The following DISP3 variants were observed in gnomAD, a reference collection of about 807,000 sequenced individuals.
DISP3 encodes the protein protein dispatched homolog 3.
In DISP3, 101 loss-of-function variants were observed where a neutral mutation model predicts 135.3. That is an observed-to-expected ratio of 0.75 (90% CI 0.64 to 0.88). The LOEUF (loss-of-function observed/expected upper bound fraction) is 0.88. Among genes scored for constraint, DISP3 ranks in the 40% least tolerant of loss-of-function variants. The pLI is 0.00. For missense variants in DISP3, 1,713 were observed against 1,878.6 expected (o/e 0.91, Z 1.63); for synonymous variants, 856 against 817.0 (o/e 1.05, Z -0.81).
intron 17 of DISP3, among the ~76,000 whole-genome samples, chr1:11,532,230 A>G (rs1642593555): frequency 6.6e-6 from 1 of 152,184 alleles, no homozygotes; most frequent in Non-Finnish European, 1.5e-5. Context: ...TGACCTGGGC[A>G]CTGTGGGGAC....
chr1:11,498,283 A>T (rs1056930114), intron 1 of DISP3, among the ~76,000 whole-genome samples: 4 of 152,188 alleles, frequency 2.6e-5, no homozygotes, highest in African/African-American at 9.7e-5. Context: ...GGCTGGAAAG[A>T]CTTCAAGGCT....
chr1:11,488,637 C>CTGTGTGTG lies in DISP3; in HGVS notation c.-4+9289_-4+9296dup, dbSNP rs5772457. Among the ~76,000 whole-genome samples the CTGTGTGTG allele has an allele frequency of 9.2e-3, 1,346 of 146,406 alleles. 43 individuals are homozygous for CTGTGTGTG. In the East Asian group the frequency reaches 0.12, roughly 13 times the overall value. On this transcript the variant is annotated intron_variant, in intron 1 of 20. Coordinates refer to ENST00000294484, the MANE Select transcript of DISP3 (RefSeq NM_020780.2). ...ACCAGAACGGCTGAGGGCAGATGCT[C>CTGTGTGTG]TGTGTGTGTGTGTGTGTGTGTGTGT...
chr1:11,501,389 T>C lies in DISP3; in HGVS notation c.397T>C (p.Trp133Arg). ...TLALKSQFGS[W>R]GRNRRDLADF... ...GGCGCTTAAGTCCCAGTTTGGATCC[T>C]GGGGGCGGAACCGGCGCGATTTGGC... The change falls in exon 2 of 21, where the codon TGG becomes CGG. Residue 133 changes from tryptophan to arginine, a missense_variant. Trp to Arg is a moderately radical substitution (Grantham distance 101). This residue lies in a region of DISP3 where 571 missense variants were observed against 494.1 expected (regional missense o/e 1.16). Coordinates refer to ENST00000294484, the MANE Select transcript of DISP3 (RefSeq NM_020780.2). The surrounding 1 kb of genome is among the most constrained non-coding windows in gnomAD (Gnocchi z 4.9). The C allele has an allele frequency of 1.2e-6, 2 of 1,606,300 alleles. No individual in the cohort carries two copies. Among genetic ancestry groups the C allele is most frequent in the Non-Finnish European group, 1.7e-6 (2 of 1,176,234 alleles).
chr1:11,535,977 G>A (rs1642697568), intron 20 of DISP3, among the ~76,000 whole-genome samples: 2 of 152,176 alleles, frequency 1.3e-5, no homozygotes, highest in African/African-American at 4.8e-5. Context: ...GTCTGCTCCA[G>A]CCCCTGGTGG....
Position 11,525,226 on chromosome 1 carries a change from G to T in DISP3, c.2527G>T (p.Ala843Ser). ...ISKVKSQGHP[A>S]VYRLSLNASL... ...TAAAGTGAAGAGTCAAGGCCACCCC[G>T]CTGTCTACAGGCTCTCCCTCAATGC... The change falls in exon 12 of 21, where the codon GCT becomes TCT. Residue 843 changes from alanine (A) to serine (S), a missense_variant. Ala to Ser is a moderately conservative substitution (Grantham distance 99). Transcript: ENST00000294484. 3 of 1,614,060 alleles carry T rather than the reference G, an allele frequency of 1.9e-6. No individual in the cohort carries two copies. Among genetic ancestry groups the T allele is most frequent in the South Asian group, 2.2e-5 (2 of 91,082 alleles).
rs1642517250 is a variant in DISP3 at position 11,529,530 on chromosome 1, C to T, written c.2799-26C>T. On this transcript the variant is annotated intron_variant, in intron 13 of 20. Transcript: ENST00000294484. This position sits in a 1 kb window ranked among gnomAD's most constrained non-coding sequence, Gnocchi z 4.7. Reference sequence around the variant, plus strand: ...TGACTCCTCCTAGCCTTTCCGGCCTCAGCCCAGCCTCCATTCCCTCCACAG... The same window carrying T: ...TGACTCCTCCTAGCCTTTCCGGCCTTAGCCCAGCCTCCATTCCCTCCACAG... The T allele has an allele frequency of 6.5e-7, 1 of 1,535,854 alleles. No homozygotes were observed. The highest frequency in any genetic ancestry group is 2.1e-5 in the Admixed American group (1 of 48,716).
rs1476990720 is a variant in DISP3, at chr1:11,530,936, C to T, written c.3132C>T (p.Asp1044=). Residue 1044 remains aspartate (D), a synonymous_variant, in exon 16 of 21, where the codon GAC becomes GAT. Coordinates refer to ENST00000294484, the MANE Select transcript of DISP3 (RefSeq NM_020780.2). ...PGSVVYDSSF[D]LFKEIGHLCH... is the part of the protein sequence containing the mutation. ...GTGTTGTCTACGACAGCAGCTTTGA[C>T]CTCTTCAAGGAAATTGGGCACCTGT... The T allele has an allele frequency of 6.8e-6, 11 of 1,613,900 alleles. No individual in the cohort carries two copies. The highest frequency in any genetic ancestry group is 9.3e-6 in the Non-Finnish European group (11 of 1,179,986).
intron 1 of DISP3, among the ~76,000 whole-genome samples, chr1:11,495,477 TTCCTGGGGC>T (rs1641307242): frequency 6.6e-6 from 1 of 152,182 alleles, no homozygotes; most frequent in African/African-American, 2.4e-5. Flanking sequence ...GTCTGGTTGT[TTCCTGGGGC>T]TGCCAAAAAC....
chr1:11,534,816 T>C lies in DISP3; in HGVS notation c.3536-195T>C, dbSNP rs1642664339. The C allele has an allele frequency of 1.4e-5, 11 of 766,258 alleles. No individual in the cohort carries two copies. The South Asian group carries it at 1.6e-4, about 11-fold the overall frequency. The allele number at this position is 766,258 out of a possible 1,614,324, so 47.5% of individuals were successfully genotyped here. On this transcript the variant is annotated intron_variant, in intron 18 of 20. Coordinates refer to ENST00000294484, the MANE Select transcript of DISP3 (RefSeq NM_020780.2). ...CTGCCAGTTACCAGCCCCTCCTAGG[T>C]GCCTAGGCTCCGGGCTGAGGGCCTG...
intron 17 of DISP3, chr1:11,533,872 G>T: frequency 1.4e-6 from 1 of 717,376 alleles, no homozygotes; most frequent in Non-Finnish European, 2.6e-6. Flanking sequence ...GCACCTCTCG[G>T]GACTGGGCAC....
chr1:11,502,605 T>C, intron 2 of DISP3, 73 bp from the exon 3 acceptor site: 11 of 1,232,616 alleles, frequency 8.9e-6, no homozygotes, highest in Non-Finnish European at 1.3e-5. Flanking sequence ...GCAATGAGAC[T>C]GGATGACCTT....
In DISP3 at chr1:11,493,435, T is replaced by C. The variant is rs116883153; in HGVS notation, c.-3-7555T>C. The stretch of plus-strand genomic sequence containing the variant: ...TTACTCTGTGTACTGATGCTGATCT[T>C]ATCTGGAGGCTGGGCTTGGTGGCTC... On this transcript the variant is annotated intron_variant, in intron 1 of 20. Coordinates refer to ENST00000294484, the MANE Select transcript of DISP3 (RefSeq NM_020780.2). Among the ~76,000 whole-genome samples the C allele has an allele frequency of 7.2e-4, 109 of 152,294 alleles. 3 individuals carry two copies. The East Asian group carries it at 0.019, about 26-fold the overall frequency.
At chr1:11,509,752 T>G (rs751085923) in intron 3 of DISP3, among the ~76,000 whole-genome samples, 4 of 152,198 alleles carry the variant, frequency 2.6e-5, no homozygotes, top group African/African-American at 4.8e-5. Context: ...TCCCTTTGCT[T>G]TTATCCTATT....
chr1:11,492,617 A>G (rs181122038), intron 1 of DISP3, among the ~76,000 whole-genome samples: 9 of 152,110 alleles, frequency 5.9e-5, no homozygotes, highest in Non-Finnish European at 1.3e-4. Flanking sequence ...AGGAATGGTC[A>G]TTTGTACCCC....
chr1:11,517,836 C>G (rs1001881065), intron 7 of DISP3, among the ~76,000 whole-genome samples: 1 of 152,172 alleles, frequency 6.6e-6, no homozygotes, highest in South Asian at 2.1e-4. Flanking sequence ...CCATTCACTT[C>G]CCAAAGAACC....
chr1:11,526,597 G>C, intron 12 of DISP3, 54 bp from the exon 13 acceptor site: 3 of 1,572,348 alleles, frequency 1.9e-6, no homozygotes, highest in Non-Finnish European at 2.6e-6. Flanking sequence ...GCTGGCCCAG[G>C]CCGAGGCAGC....
Position 11,536,641 on chromosome 1 carries a change from G to A in DISP3, c.4134G>A (p.Leu1378=), listed in dbSNP as rs1368464492. Residue 1378 remains leucine, a synonymous_variant, in exon 21 of 21, where the codon CTG becomes CTA. Coordinates refer to ENST00000294484, the MANE Select transcript of DISP3 (RefSeq NM_020780.2). This position sits in a 1 kb window ranked among gnomAD's most constrained non-coding sequence, Gnocchi z 4.3. ...GGCTGGGTGCCTGCCTCGTGCTCCT[G>A]CAGAGCGGCTATAAGATTCCCCTGC... ...ALGLGACLVL[L]QSGYKIPLPA... The A allele has an allele frequency of 1.9e-6, 3 of 1,600,324 alleles. No homozygotes were observed. Among genetic ancestry groups the A allele is most frequent in the Middle Eastern group, 1.7e-4 (1 of 6,044 alleles).
rs376662430 is a variant in DISP3 at position 11,519,755 on chromosome 1, T to A, written c.2075T>A (p.Val692Glu). 1.1e-4 allele frequency: 180 copies of A among 1,613,028 alleles called. 1 individual carries two copies. The South Asian group carries it at 1.3e-3, about 12-fold the overall frequency. ...LELGDVSLVS[V>E]SPEGLQPASN... Reference sequence around the variant, plus strand: ...CTGGGAGACGTGTCCCTGGTGTCTGTGTCCCCCGAGGGTCTGCAGCCAGCC... The same window carrying A: ...CTGGGAGACGTGTCCCTGGTGTCTGAGTCCCCCGAGGGTCTGCAGCCAGCC... The change falls in exon 9 of 21, where the codon GTG (valine) becomes GAG (glutamate). Residue 692 changes from valine (V) to glutamate (E), a missense_variant. Around this residue, in one of 2 missense-constraint regions of DISP3, gnomAD observed 1,142 missense variants for 1,384.6 expected, o/e 0.82. Transcript: ENST00000294484. The surrounding 1 kb of genome is among the most constrained non-coding windows in gnomAD (Gnocchi z 4.3).
At chr1:11,534,958 C>G (rs1333240266) in intron 18 of DISP3, 53 bp from the exon 19 acceptor site, 10 of 1,468,402 alleles carry the variant, frequency 6.8e-6, no homozygotes, top group Admixed American at 2.0e-5. Flanking sequence ...AGCAGCACAG[C>G]TTGCTGCGAC....
Sources: gnomAD v4.1 joint callset for allele counts (sites outside exome capture counted in the v4.1 genomes callset) on GRCh38, gnomAD v4.1.1 for gene constraint, gnomAD v4.1.1 regional missense constraint, Gnocchi (gnomAD v3.1) non-coding constraint, MANE v1.5 for transcripts, NCBI Gene and HGNC (gene_info 2026-07-23, HGNC 2026-07-21) for gene names.